THSD4: variants seen among roughly 807,000 people sequenced by gnomAD.
The protein encoded by THSD4 is thrombospondin type-1 domain-containing protein 4.
In THSD4, 69 loss-of-function variants were observed where a neutral mutation model predicts 119.0. The ratio of observed to expected loss-of-function variants is 0.58; its 90% CI spans 0.48 to 0.71. The LOEUF is 0.71. Ranked by LOEUF, THSD4 falls within the 30% of genes least tolerant of loss-of-function variation. The pLI, the probability that THSD4 is intolerant of heterozygous loss-of-function variation, is 0.00. For synonymous variants in THSD4, 524 were observed against 540.4 expected, an observed-to-expected ratio of 0.97 and a Z score of 0.42; for missense variants, 1,393 against 1,391.1, an observed-to-expected ratio of 1.00 and a Z score of -0.02.
At chr15:71,169,835 G>A (rs1171525581) in intron 3 of THSD4, among the ~76,000 whole-genome samples, 2 of 152,164 alleles carry the variant, frequency 1.3e-5, no homozygotes, top group Admixed American at 6.5e-5. Context: ...GGGTATGCTA[G>A]GCAGAACCTG....
At position 71,694,879 on chromosome 15, in the gene THSD4, C is replaced by T. The variant is rs560787533; in HGVS notation, c.1358-33670C>T. Among the ~76,000 whole-genome samples, 137 of 152,172 alleles carry T rather than the reference C, an allele frequency of 9.0e-4. 1 individual carries two copies. The highest frequency in any genetic ancestry group is 3.2e-3 in the African/African-American group (133 of 41,534). On this transcript the variant is annotated intron_variant, in intron 8 of 17. Coordinates refer to ENST00000261862, the MANE Select transcript of THSD4 (RefSeq NM_024817.3). Reference sequence around the variant, plus strand: ...ACACTCCCCTGTATCCACCTGGAGTCGTGTGCACCTGGCCACCAGGATGGT... The same window carrying T: ...ACACTCCCCTGTATCCACCTGGAGTTGTGTGCACCTGGCCACCAGGATGGT...
chr15:71,766,302 G>A (rs1033451373), intron 16 of THSD4, among the ~76,000 whole-genome samples: 2 of 152,094 alleles, frequency 1.3e-5, no homozygotes, highest in Non-Finnish European at 2.9e-5. Context: ...CATCCCAGGT[G>A]ACCATTGGCG....
rs150440898 is a variant in THSD4, at chr15:71,440,092, T to C, written c.1152+28269T>C. 1.7e-3 allele frequency among the ~76,000 whole-genome samples: 254 copies of C among 152,294 alleles called. 5 individuals carry two copies. In the East Asian group the frequency reaches 0.034, roughly 20 times the overall value. On this transcript the variant is annotated intron_variant, in intron 7 of 17. Coordinates refer to ENST00000261862, the MANE Select transcript of THSD4 (RefSeq NM_024817.3). Reference sequence around the variant, plus strand: ...CTGCCAGCCAAAAAGATTTTTTTTTTCCATCCCACCTCCACATTCACCCAA... The same window carrying C: ...CTGCCAGCCAAAAAGATTTTTTTTTCCCATCCCACCTCCACATTCACCCAA...
At chr15:71,676,762 A>G (rs2051660174) in intron 8 of THSD4, among the ~76,000 whole-genome samples, 1 of 152,080 alleles carries the variant, frequency 6.6e-6, no homozygotes, top group Admixed American at 6.5e-5. Flanking sequence ...ACTTAGCATA[A>G]TGTTTTCAAG....
intron 6 of THSD4, among the ~76,000 whole-genome samples, chr15:71,281,386 C>T (rs2044650521): frequency 1.3e-5 from 2 of 152,206 alleles, no homozygotes; most frequent in South Asian, 4.1e-4. Context: ...CAGGAAAACG[C>T]ATATGGCTCT....
In THSD4 at chr15:71,658,873, G is replaced by A. The variant is rs76153473; in HGVS notation, c.1153-1657G>A. Among the ~76,000 whole-genome samples the A allele has an allele frequency of 9.6e-3, 1,456 of 152,246 alleles. 31 individuals are homozygous for A. The highest frequency in any genetic ancestry group is 0.033 in the African/African-American group (1,382 of 41,540). ...CCAGTCATTATTGATGGGTCAATGT[G>A]CGCTTGGGAATATGGAAGCAATAAT... On this transcript the variant is annotated intron_variant, in intron 7 of 17. Transcript: ENST00000261862.
chr15:71,298,788 A>G (rs905495418), intron 6 of THSD4, among the ~76,000 whole-genome samples: 1 of 151,810 alleles, frequency 6.6e-6, no homozygotes, highest in Admixed American at 6.6e-5. Context: ...AATTTTTTGT[A>G]TTTTAGTAGA....
At chr15:71,661,680 G>T (rs1459582280) in intron 8 of THSD4, among the ~76,000 whole-genome samples, 1 of 152,122 alleles carries the variant, frequency 6.6e-6, no homozygotes, top group African/African-American at 2.4e-5. Flanking sequence ...ACAGGCATGA[G>T]CCACCACGCC....
At chr15:71,734,867 C>T (rs1682801598) in intron 10 of THSD4, among the ~76,000 whole-genome samples, 1 of 151,710 alleles carries the variant, frequency 6.6e-6, no homozygotes, top group Admixed American at 6.6e-5. Context: ...CCATGCCCTT[C>T]CCAGAGGGAG....
intron 1 of THSD4, among the ~76,000 whole-genome samples, chr15:71,125,334 C>T (rs1228945339): frequency 6.6e-6 from 1 of 152,052 alleles, no homozygotes; most frequent in East Asian, 1.9e-4. Flanking sequence ...GACGGAGCAC[C>T]AAGGCTTGTG....
intron 7 of THSD4, among the ~76,000 whole-genome samples, chr15:71,619,137 T>C (rs1595794167): frequency 1.3e-5 from 2 of 151,698 alleles, no homozygotes; most frequent in African/African-American, 4.8e-5. Context: ...GCCCGGCTAA[T>C]TTTTGTATTT....
At chr15:71,423,090 G>A (rs951828790) in intron 7 of THSD4, among the ~76,000 whole-genome samples, 2 of 152,112 alleles carry the variant, frequency 1.3e-5, no homozygotes, top group Non-Finnish European at 2.9e-5. Context: ...AGAGCAGTTG[G>A]CTCCCCTCTG....
intron 10 of THSD4, chr15:71,733,662 GTGATCCCAGCAC>G (rs2053025479): frequency 6.6e-6 from 1 of 152,088 alleles, no homozygotes; most frequent in Admixed American, 6.5e-5. Flanking sequence ...GATCACGCCT[GTGATCCCAGCAC>G]GTTTGGAAGC....
intron 6 of THSD4, among the ~76,000 whole-genome samples, chr15:71,374,093 G>C (rs1056276196): frequency 6.6e-6 from 1 of 152,162 alleles, no homozygotes; most frequent in Admixed American, 6.5e-5. Context: ...CTGAGCATGG[G>C]CTGGGTGATG....
At chr15:71,481,996 G>A (rs2047737175) in intron 7 of THSD4, among the ~76,000 whole-genome samples, 1 of 152,320 alleles carries the variant, frequency 6.6e-6, no homozygotes, top group East Asian at 1.9e-4. Flanking sequence ...GCAACAACAT[G>A]TGGAGCCAAC....
At chr15:71,583,845 A>G (rs891409501) in intron 7 of THSD4, among the ~76,000 whole-genome samples, 2 of 152,182 alleles carry the variant, frequency 1.3e-5, no homozygotes, top group Non-Finnish European at 2.9e-5. Flanking sequence ...CCTGGAAAAG[A>G]TTCTATGTGC....
At chr15:71,529,084 T>C (rs1302188726) in intron 7 of THSD4, among the ~76,000 whole-genome samples, 1 of 152,214 alleles carries the variant, frequency 6.6e-6, no homozygotes, top group Non-Finnish European at 1.5e-5. Context: ...TCTCCACTTT[T>C]TCCCCTCTCC....
At chr15:71,139,143 C>T (rs1341686258) in intron 1 of THSD4, among the ~76,000 whole-genome samples, 1 of 152,078 alleles carries the variant, frequency 6.6e-6, no homozygotes, top group East Asian at 1.9e-4. Context: ...GAATTTAAGT[C>T]CCATCTACCT....
At chr15:71,389,212 T>C (rs147021809) in intron 6 of THSD4, among the ~76,000 whole-genome samples, 4 of 152,314 alleles carry the variant, frequency 2.6e-5, no homozygotes, top group Non-Finnish European at 5.9e-5. Context: ...TTCACATTGT[T>C]GTGCAACAAA....
Sources: allele counts gnomAD v4.1 joint callset (sites outside exome capture counted in the v4.1 genomes callset), GRCh38; gene constraint gnomAD v4.1.1; transcripts MANE v1.5; gene names NCBI Gene and HGNC (gene_info 2026-07-23, HGNC 2026-07-21).